Variants in LAMA2 observed in about 807,000 individuals in gnomAD.
LAMA2 encodes laminin subunit alpha 2, also known as laminin subunit alpha-2.
Under a neutral mutation model 364.8 loss-of-function variants are expected in LAMA2, and 269 were observed. The observed-to-expected ratio is 0.74, with a 90% CI of 0.67 to 0.82. The LOEUF (loss-of-function observed/expected upper bound fraction) is 0.82. Among genes scored for constraint, LAMA2 ranks in the 40% least tolerant of loss-of-function variants. The probability of loss-of-function intolerance (pLI) is 0.00; values close to 1 mark genes in which losing one functional copy is unlikely to be tolerated. For synonymous variants in LAMA2, 1,379 were observed against 1,370.6 expected (o/e 1.01, Z -0.14); for missense variants, 3,807 against 3,873.2 (o/e 0.98, Z 0.45).
intron 8 of LAMA2, chr6:129,158,275 T>C: frequency 6.2e-7 from 1 of 1,614,178 alleles, no homozygotes; most frequent in Non-Finnish European, 8.5e-7. Context: ...TCATGGCGCA[T>C]TAGCACAGTT....
intron 12 of LAMA2, among the ~76,000 whole-genome samples, chr6:129,229,870 A>G (rs11963652): frequency 0.13 from 20,227 of 152,156 alleles, 3,359 homozygotes; most frequent in African/African-American, 0.39. Flanking sequence ...AATTTTTTAC[A>G]GGAGATCATG....
Position 129,328,157 on chromosome 6 carries a change from G to A in LAMA2, c.4177-121G>A, listed in dbSNP as rs543997397. The A allele has an allele frequency of 5.9e-4, 494 of 840,552 alleles. 1 individual carries two copies. Among genetic ancestry groups the A allele is most frequent in the Non-Finnish European group, 7.4e-4 (361 of 486,720 alleles). The allele number at this position is 840,552 out of a possible 1,614,324, so 52.1% of individuals were successfully genotyped here. On this transcript the variant is annotated intron_variant, in intron 28 of 64. Coordinates refer to ENST00000421865, the MANE Select transcript of LAMA2 (RefSeq NM_000426.4). The stretch of plus-strand genomic sequence containing the variant: ...AAAATCGGCACTTGCGTTTGTAAGT[G>A]ATGTTGCCCCTGCCGCAGGTGGGGG...
chr6:129,175,566 C>T (rs1780527224), intron 9 of LAMA2, among the ~76,000 whole-genome samples: 1 of 152,170 alleles, frequency 6.6e-6, no homozygotes, highest in African/African-American at 2.4e-5. Context: ...GTTTTGAAAA[C>T]AGTCTGTAAA....
intron 58 of LAMA2, among the ~76,000 whole-genome samples, chr6:129,496,442 A>T (rs529180668): frequency 6.6e-6 from 1 of 152,304 alleles, no homozygotes; most frequent in East Asian, 1.9e-4. Context: ...CTGGGATTAC[A>T]GGCATGAGAC....
intron 51 of LAMA2, among the ~76,000 whole-genome samples, chr6:129,469,768 T>C (rs1325808997): frequency 6.6e-6 from 1 of 151,468 alleles, no homozygotes; most frequent in Non-Finnish European, 1.5e-5. Context: ...AATAAAATAC[T>C]CAGCAATAAA....
At chr6:129,042,802 A>C (rs1469203251) in intron 1 of LAMA2, among the ~76,000 whole-genome samples, 1 of 152,190 alleles carries the variant, frequency 6.6e-6, no homozygotes, top group Non-Finnish European at 1.5e-5. Flanking sequence ...TATGTGGCAT[A>C]ATCCTTTTTG....
intron 35 of LAMA2, among the ~76,000 whole-genome samples, chr6:129,390,951 C>T (rs755583760): frequency 6.6e-6 from 1 of 152,038 alleles, no homozygotes; most frequent in Non-Finnish European, 1.5e-5. Flanking sequence ...TAACCCTTCT[C>T]CTAGAAGGGT....
intron 19 of LAMA2, among the ~76,000 whole-genome samples, chr6:129,289,625 A>G (rs932156700): frequency 2.0e-5 from 3 of 152,052 alleles, no homozygotes; most frequent in Admixed American, 6.6e-5. Flanking sequence ...ATGGTAATTT[A>G]TTGTGGGATT....
intron 41 of LAMA2, among the ~76,000 whole-genome samples, chr6:129,428,708 GTGC>G (rs1781445505): frequency 6.6e-6 from 1 of 152,098 alleles, no homozygotes. Context: ...GCCTCCCAAA[GTGC>G]TGAGATTACA....
intron 35 of LAMA2, among the ~76,000 whole-genome samples, chr6:129,389,819 G>C (rs1281998618): frequency 2.0e-5 from 3 of 152,104 alleles, no homozygotes; most frequent in Admixed American, 6.5e-5. Context: ...GAACAGCAAG[G>C]GGGGAGGTTT....
chr6:129,395,162 C>T (rs989515342), intron 37 of LAMA2, among the ~76,000 whole-genome samples: 11 of 151,796 alleles, frequency 7.2e-5, no homozygotes, highest in Non-Finnish European at 1.3e-4. Flanking sequence ...TTCTAACACT[C>T]TCCCTGGGCT....
intron 3 of LAMA2, among the ~76,000 whole-genome samples, chr6:129,077,339 C>T (rs1773728601): frequency 6.6e-6 from 1 of 152,186 alleles, no homozygotes; most frequent in South Asian, 2.1e-4. Context: ...AGTAAAAAGA[C>T]ATTTTCCCAC....
intron 52 of LAMA2, 147 bp downstream of exon 52, chr6:129,473,499 T>G (rs537530732): frequency 1.4e-6 from 1 of 718,962 alleles, no homozygotes; most frequent in South Asian, 1.7e-5. Flanking sequence ...TGTTGCATGT[T>G]AGAACAACAC....
chr6:129,487,017 T>C (rs1784622738), intron 56 of LAMA2, among the ~76,000 whole-genome samples: 1 of 152,164 alleles, frequency 6.6e-6, no homozygotes, highest in Non-Finnish European at 1.5e-5. Flanking sequence ...TCATTCAGGT[T>C]CCAAAGCAGT....
chr6:129,516,299 G>C lies in LAMA2; in HGVS notation c.9321G>C (p.Lys3107Asn). ...AGCCACTGGAGGTTAATTTTGCCAAGGCCCTGGAACTGAGGGGCGTTCAAC... is the reference window on the plus strand; with the variant it reads ...AGCCACTGGAGGTTAATTTTGCCAACGCCCTGGAACTGAGGGGCGTTCAAC... ...TGKPLEVNFA[K>N]ALELRGVQPV... Residue 3107 changes from lysine (K) to asparagine (N), a missense_variant, in exon 65 of 65, where the codon AAG becomes AAC. Lys to Asn is a moderately conservative substitution (Grantham distance 94). Coordinates refer to ENST00000421865, the MANE Select transcript of LAMA2 (RefSeq NM_000426.4). 6.2e-7 allele frequency: 1 copy of C among 1,614,112 alleles called. No homozygotes were observed. The highest frequency in any genetic ancestry group is 8.5e-7 in the Non-Finnish European group (1 of 1,180,008).
In LAMA2 at chr6:129,312,991, G is replaced by A. The variant is rs781580213; in HGVS notation, c.3305G>A (p.Arg1102His). The change falls in exon 23 of 65, where the codon CGC becomes CAC. Residue 1102 changes from arginine to histidine, a missense_variant. By Grantham distance (29) the Arg-to-His change is conservative (BLOSUM62 0). Transcript: ENST00000421865. Reference sequence around the variant, plus strand: ...AGTCGAGGTCACTGGAACTACCCTCGCTGCAATCTCTGTGACTGCTTCCTC... The same window carrying A: ...AGTCGAGGTCACTGGAACTACCCTCACTGCAATCTCTGTGACTGCTTCCTC... ...ECSRGHWNYP[R>H]CNLCDCFLPG... 17 of 1,613,954 alleles carry A rather than the reference G, an allele frequency of 1.1e-5. No homozygotes were observed. The highest frequency in any genetic ancestry group is 1.6e-4 in the Middle Eastern group (1 of 6,084).
intron 18 of LAMA2, among the ~76,000 whole-genome samples, chr6:129,283,690 C>A (rs1788892666): frequency 6.6e-6 from 1 of 151,004 alleles, no homozygotes; most frequent in Non-Finnish European, 1.5e-5. Context: ...AAAGAAATTC[C>A]TTTTTGTATC....
chr6:129,464,311 G>C lies in LAMA2; in HGVS notation c.7014G>C (p.Glu2338Asp). Residue 2338 changes from glutamate (E) to aspartate (D), a missense_variant, in exon 50 of 65, where the codon GAG becomes GAC. Coordinates refer to ENST00000421865, the MANE Select transcript of LAMA2 (RefSeq NM_000426.4). ...CTVSPQVEDS[E>D]GTIQFDGEGY... ...TCAGTCCTCAGGTGGAAGATAGTGA[G>C]GGGACTATTCAATTTGATGGAGAAG... 1 of 1,612,098 alleles carries C rather than the reference G, an allele frequency of 6.2e-7. No individual in the cohort carries two copies. The highest frequency in any genetic ancestry group is 1.3e-5 in the African/African-American group (1 of 74,884).
At chr6:129,297,251 C>A (rs925445810) in intron 20 of LAMA2, among the ~76,000 whole-genome samples, 3 of 152,092 alleles carry the variant, frequency 2.0e-5, no homozygotes, top group Non-Finnish European at 2.9e-5. Flanking sequence ...CTTTAGGCTG[C>A]TGGTCAATAA....
Sources: gnomAD v4.1 joint callset for allele counts (sites outside exome capture counted in the v4.1 genomes callset) on GRCh38, gnomAD v4.1.1 for gene constraint, MANE v1.5 for transcripts, NCBI Gene and HGNC (gene_info 2026-07-23, HGNC 2026-07-21) for gene names.